GDAP1: variants seen among roughly 807,000 people sequenced by gnomAD.
GDAP1 encodes the protein ganglioside-induced differentiation-associated protein 1.
GDAP1 carries 34 observed loss-of-function variants against 40.1 expected under a neutral mutation model. The ratio of observed to expected loss-of-function variants is 0.85; its 90% CI spans 0.64 to 1.13. The LOEUF (loss-of-function observed/expected upper bound fraction) is 1.13, where lower values mean the gene tolerates loss of function less well. GDAP1 is among the 50% of genes most tolerant of loss of function. The pLI is 0.00. For synonymous variants in GDAP1, 170 were observed against 157.4 expected, an observed-to-expected ratio of 1.08 and a Z score of -0.60; for missense variants, 374 against 433.7, an observed-to-expected ratio of 0.86 and a Z score of 1.22.
chr8:74,465,717 G>A (rs1424120504), intron 2 of GDAP1, among the ~76,000 whole-genome samples: 2 of 151,604 alleles, frequency 1.3e-5, no homozygotes, highest in South Asian at 2.1e-4. Flanking sequence ...CAAACTGCTT[G>A]TCAGTCACTC....
Position 74,412,800 on chromosome 8 carries a change from T to C in GDAP1, c.165+61479T>C, listed in dbSNP as rs1014997385. ...TCGGCTGGGTGCGGTGGCTCACGCC[T>C]GTAATCCCAGCACTTTGGGAGGCTG... On this transcript the variant is annotated intron_variant, in intron 2 of 2. Coordinates refer to the GDAP1 transcript ENST00000523640. Among the ~76,000 whole-genome samples the C allele has an allele frequency of 8.7e-5, 13 of 149,530 alleles. No individual in the cohort carries two copies. The East Asian group carries it at 2.5e-3, about 29-fold the overall frequency.
At chr8:74,487,167 G>A (rs1806786488) in intron 2 of GDAP1, among the ~76,000 whole-genome samples, 1 of 152,140 alleles carries the variant, frequency 6.6e-6, no homozygotes, top group African/African-American at 2.4e-5. Flanking sequence ...AATATTATAT[G>A]TGAAAATAGG....
intron 2 of GDAP1, among the ~76,000 whole-genome samples, chr8:74,429,412 T>C (rs1232125217): frequency 6.6e-6 from 1 of 152,204 alleles, no homozygotes; most frequent in Non-Finnish European, 1.5e-5. Flanking sequence ...ATATGTAATA[T>C]TATTAATTTG....
intron 2 of GDAP1, among the ~76,000 whole-genome samples, chr8:74,441,789 G>A (rs890356018): frequency 2.0e-5 from 3 of 152,098 alleles, no homozygotes; most frequent in Non-Finnish European, 4.4e-5. Flanking sequence ...GAAATTATCA[G>A]TTTTCTTCCT....
chr8:74,423,923 T>C (rs1460096824), intron 2 of GDAP1, among the ~76,000 whole-genome samples: 1 of 152,114 alleles, frequency 6.6e-6, no homozygotes, highest in African/African-American at 2.4e-5. Context: ...TTTGAAATAT[T>C]AACCTAATCT....
chr8:74,378,408 C>T (rs887004068), intron 2 of GDAP1, among the ~76,000 whole-genome samples: 1 of 152,116 alleles, frequency 6.6e-6, no homozygotes, highest in Non-Finnish European at 1.5e-5. Flanking sequence ...CCAGCCAGTC[C>T]CACACACAAG....
chr8:74,441,740 G>T (rs1256182699), intron 2 of GDAP1, among the ~76,000 whole-genome samples: 1 of 152,050 alleles, frequency 6.6e-6, no homozygotes, highest in East Asian at 1.9e-4. Context: ...CTAAGAATTG[G>T]CATTAAATTA....
chr8:74,357,338 G>A (rs561114621), intron 2 of GDAP1, among the ~76,000 whole-genome samples: 23 of 152,146 alleles, frequency 1.5e-4, no homozygotes, highest in African/African-American at 5.5e-4. Flanking sequence ...ATGCCTTTAA[G>A]CCCCTAATTT....
At chr8:74,413,717 C>CA (rs1805743358) in intron 2 of GDAP1, among the ~76,000 whole-genome samples, 2 of 131,766 alleles carry the variant, frequency 1.5e-5, no homozygotes, top group Non-Finnish European at 3.2e-5. Flanking sequence ...AACTCCTAAG[C>CA]TTTTTTTTTT....
At chr8:74,397,105 A>G (rs963053835) in intron 2 of GDAP1, among the ~76,000 whole-genome samples, 5 of 151,982 alleles carry the variant, frequency 3.3e-5, no homozygotes, top group Non-Finnish European at 5.9e-5. Context: ...TCTGATGGCC[A>G]GTGATGGTGA....
chr8:74,419,834 T>A (rs560869711), intron 2 of GDAP1, among the ~76,000 whole-genome samples: 55 of 152,306 alleles, frequency 3.6e-4, no homozygotes, highest in Admixed American at 8.5e-4. Flanking sequence ...AATTTTTATA[T>A]ATGGTGTGAT....
intron 2 of GDAP1, among the ~76,000 whole-genome samples, chr8:74,402,803 C>G (rs1310526748): frequency 6.7e-6 from 1 of 150,144 alleles, no homozygotes; most frequent in Non-Finnish European, 1.5e-5. Context: ...TAAAGTTAAC[C>G]TGTAAAATTT....
intron 2 of GDAP1, among the ~76,000 whole-genome samples, chr8:74,381,041 C>A (rs1179539506): frequency 6.6e-6 from 1 of 150,794 alleles, no homozygotes; most frequent in Non-Finnish European, 1.5e-5. Context: ...AAAGGGATTA[C>A]CAAGGGGGAT....
intron 2 of GDAP1, among the ~76,000 whole-genome samples, chr8:74,439,163 A>C (rs1806129593): frequency 6.6e-6 from 1 of 152,040 alleles, no homozygotes; most frequent in African/African-American, 2.4e-5. Context: ...TTTCTGCACC[A>C]AAATGTTTAA....
chr8:74,379,840 G>A (rs1288651723), intron 2 of GDAP1, among the ~76,000 whole-genome samples: 2 of 152,178 alleles, frequency 1.3e-5, no homozygotes, highest in Non-Finnish European at 2.9e-5. Flanking sequence ...ATCCTAAATA[G>A]GAGCAGAGAC....
chr8:74,455,250 A>C (rs1013650016), intron 2 of GDAP1, among the ~76,000 whole-genome samples: 1 of 152,006 alleles, frequency 6.6e-6, no homozygotes, highest in Non-Finnish European at 1.5e-5. Context: ...CCCTGCATTT[A>C]AACAACGAGT....
intron 2 of GDAP1, among the ~76,000 whole-genome samples, chr8:74,424,179 C>G (rs959225405): frequency 6.6e-6 from 1 of 151,896 alleles, no homozygotes; most frequent in Non-Finnish European, 1.5e-5. Flanking sequence ...ATTTATAATA[C>G]CTAATACAAT....
intron 2 of GDAP1, among the ~76,000 whole-genome samples, chr8:74,462,737 G>A (rs1806415901): frequency 6.6e-6 from 1 of 152,120 alleles, no homozygotes; most frequent in African/African-American, 2.4e-5. Flanking sequence ...ACTAAGAAGA[G>A]GGTAAAACAA....
intron 2 of GDAP1, among the ~76,000 whole-genome samples, chr8:74,480,868 T>G (rs2128721577): frequency 6.6e-6 from 1 of 152,322 alleles, no homozygotes; most frequent in Non-Finnish European, 1.5e-5. Flanking sequence ...CTATATTTGT[T>G]TTAAGCCATT....
Sources: gnomAD v4.1 joint callset for allele counts (sites outside exome capture counted in the v4.1 genomes callset) on GRCh38, gnomAD v4.1.1 for gene constraint, MANE v1.5 for transcripts, NCBI Gene and HGNC (gene_info 2026-07-23, HGNC 2026-07-21) for gene names.